VCAN: variants seen among roughly 807,000 people sequenced by gnomAD.
VCAN encodes the protein versican.
VCAN carries 44 observed loss-of-function variants against 245.5 expected under a neutral mutation model. That is an observed-to-expected ratio of 0.18 (90% CI 0.14 to 0.23). The LOEUF is 0.23. VCAN is among the 10% of genes least tolerant of loss of function. The pLI is 1.00. For synonymous variants in VCAN, 1,413 were observed against 1,437.0 expected (o/e 0.98, Z 0.38); for missense variants, 3,793 against 4,057.9 (o/e 0.93, Z 1.77).
chr5:83,495,238 A>G (rs1444727661), intron 5 of VCAN, among the ~76,000 whole-genome samples: 1 of 152,182 alleles, frequency 6.6e-6, no homozygotes, highest in Admixed American at 6.5e-5. Flanking sequence ...TGATTCCCTG[A>G]TTCTGTGAAT....
At chr5:83,504,827 G>T (rs1580613328) in intron 5 of VCAN, among the ~76,000 whole-genome samples, 1 of 152,210 alleles carries the variant, frequency 6.6e-6, no homozygotes, top group Admixed American at 6.5e-5. Context: ...ACCCAAGACT[G>T]GGAAGAAAAA....
rs78636207 is a variant in VCAN at position 83,533,607 on chromosome 5, G to A, written c.4004-3400G>A. ...TTGTGGTGGTAGTGAATTTAATTTT[G>A]TGTGCAAAAACCGATATGAAGCAAT... On this transcript the variant is annotated intron_variant, in intron 7 of 14. Transcript: ENST00000265077. 6.4e-3 allele frequency among the ~76,000 whole-genome samples: 971 copies of A among 152,172 alleles called. 14 individuals are homozygous for A. The highest frequency in any genetic ancestry group is 0.022 in the African/African-American group (912 of 41,518).
chr5:83,477,881 TA>T (rs1244730108), intron 1 of VCAN, among the ~76,000 whole-genome samples: 2 of 150,852 alleles, frequency 1.3e-5, no homozygotes, highest in Admixed American at 6.6e-5. Context: ...AAATAGTAAT[TA>T]AAACACCAAT....
chr5:83,549,441 T>G (rs1243157758), intron 10 of VCAN, among the ~76,000 whole-genome samples: 1 of 152,162 alleles, frequency 6.6e-6, no homozygotes, highest in Non-Finnish European at 1.5e-5. Context: ...AGAAAAAAAG[T>G]GATGTGTTTA....
intron 10 of VCAN, among the ~76,000 whole-genome samples, chr5:83,551,787 A>C (rs1747480034): frequency 6.6e-6 from 1 of 152,162 alleles, no homozygotes; most frequent in Non-Finnish European, 1.5e-5. Context: ...TCATATAGGA[A>C]GAGCTGTGTT....
chr5:83,558,734 C>T (rs1747761142), intron 12 of VCAN, among the ~76,000 whole-genome samples: 1 of 152,014 alleles, frequency 6.6e-6, no homozygotes, highest in African/African-American at 2.4e-5. Context: ...TCTAAATTGC[C>T]CTTATTCTTG....
At chr5:83,518,317 G>A (rs1259204324) in intron 6 of VCAN, among the ~76,000 whole-genome samples, 1 of 152,092 alleles carries the variant, frequency 6.6e-6, no homozygotes, top group Non-Finnish European at 1.5e-5. Context: ...TTTACAAACT[G>A]TTGCTTTTAT....
In VCAN at chr5:83,522,217, C is replaced by T. The variant is rs1359799756; in HGVS notation, c.3911C>T (p.Pro1304Leu). The T allele has an allele frequency of 3.7e-6, 6 of 1,603,368 alleles. No individual in the cohort carries two copies. Among genetic ancestry groups the T allele is most frequent in the Admixed American group, 1.7e-5 (1 of 59,928 alleles). ...PTVEDKEAFG[P>L]QALSTPQPPA... is the part of the protein sequence containing the mutation. ...GTGGAAGACAAAGAGGCCTTTGGAC[C>T]TCAGGCGCTTTCTACGCCACAGCCC... The change falls in exon 7 of 15, where the codon CCT (proline) becomes CTT (leucine). Residue 1304 changes from proline to leucine, a missense_variant. By Grantham distance (98) the Pro-to-Leu change is moderately conservative. Around this residue, in one of 5 missense-constraint regions of VCAN, gnomAD observed 3,182 missense variants for 3,250.3 expected, o/e 0.98. Transcript: ENST00000265077.
At chr5:83,576,893 GT>G (rs1429288688) in intron 13 of VCAN, among the ~76,000 whole-genome samples, 1 of 151,890 alleles carries the variant, frequency 6.6e-6, no homozygotes, top group East Asian at 1.9e-4. Flanking sequence ...ATATCTTTTG[GT>G]TATTTTTGAA....
At chr5:83,499,751 C>T (rs1289567738) in intron 5 of VCAN, among the ~76,000 whole-genome samples, 1 of 151,912 alleles carries the variant, frequency 6.6e-6, no homozygotes, top group Admixed American at 6.6e-5. Flanking sequence ...GTATTAATAC[C>T]TATTCATCAA....
intron 1 of VCAN, among the ~76,000 whole-genome samples, chr5:83,474,352 G>C (rs577758327): frequency 6.6e-6 from 1 of 152,178 alleles, no homozygotes; most frequent in Non-Finnish European, 1.5e-5. Flanking sequence ...GTTCGTTTCG[G>C]GGTTTGGGTC....
rs145773173 is a variant in VCAN, at chr5:83,518,200, G to A, written c.1043-1149G>A. Among the ~76,000 whole-genome samples the A allele has an allele frequency of 4.9e-3, 747 of 151,930 alleles. 11 individuals are homozygous for A. The highest frequency in any genetic ancestry group is 0.017 in the African/African-American group (707 of 41,422). On this transcript the variant is annotated intron_variant, in intron 6 of 14. Transcript: ENST00000265077. ...CAGGACAGTTCTTTTGAGTTCAGTG[G>A]CAACTATTAATAGGTTTTTATTTTT...
chr5:83,569,324 TA>T (rs1748196899), intron 12 of VCAN, among the ~76,000 whole-genome samples: 1 of 152,188 alleles, frequency 6.6e-6, no homozygotes, highest in South Asian at 2.1e-4. Flanking sequence ...ACCTATTTGC[TA>T]GCAGCAAGCA....
At chr5:83,567,378 G>T (rs1748122024) in intron 12 of VCAN, among the ~76,000 whole-genome samples, 1 of 152,092 alleles carries the variant, frequency 6.6e-6, no homozygotes, top group Admixed American at 6.6e-5. Flanking sequence ...TTGGCTCACT[G>T]CAACCTCCAC....
intron 8 of VCAN, chr5:83,545,132 T>G (rs1394097434): frequency 3.9e-6 from 1 of 255,506 alleles, no homozygotes; most frequent in Non-Finnish European, 7.7e-6. Flanking sequence ...GAATGCATGT[T>G]CTGTGTATCC....
chr5:83,539,089 C>T lies in VCAN; in HGVS notation c.6086C>T (p.Ala2029Val). 3 of 1,613,994 alleles carry T rather than the reference C, an allele frequency of 1.9e-6. No homozygotes were observed. Among genetic ancestry groups the T allele is most frequent in the Non-Finnish European group, 2.5e-6 (3 of 1,179,966 alleles). Reference sequence around the variant, plus strand: ...TCTGTTGTTCCAGTGCTTCCCAGTGCTGTGCAAAAGTTTTCTGGTACAGCT... The same window carrying T: ...TCTGTTGTTCCAGTGCTTCCCAGTGTTGTGCAAAAGTTTTCTGGTACAGCT... ...SSSVVPVLPS[A>V]VQKFSGTASS... Residue 2029 changes from alanine (A) to valine (V), a missense_variant, in exon 8 of 15, where the codon GCT becomes GTT. Ala to Val is a moderately conservative substitution (Grantham distance 64). This residue lies in a region of VCAN where 3,182 missense variants were observed against 3,250.3 expected (regional missense o/e 0.98). Coordinates refer to ENST00000265077, the MANE Select transcript of VCAN (RefSeq NM_004385.5).
intron 5 of VCAN, among the ~76,000 whole-genome samples, chr5:83,494,722 G>A (rs1051607478): frequency 6.6e-6 from 1 of 152,254 alleles, no homozygotes; most frequent in African/African-American, 2.4e-5. Flanking sequence ...GGAGAGCTAG[G>A]TGGGAAGATA....
intron 13 of VCAN, among the ~76,000 whole-genome samples, chr5:83,578,558 A>T (rs1748558867): frequency 1.3e-5 from 2 of 152,152 alleles, no homozygotes; most frequent in South Asian, 4.1e-4. Context: ...CATTTAAATT[A>T]AACCAAAATT....
intron 10 of VCAN, among the ~76,000 whole-genome samples, chr5:83,551,917 C>T (rs557797939): frequency 5.7e-4 from 87 of 152,304 alleles, no homozygotes; most frequent in African/African-American, 2.0e-3. Flanking sequence ...TACTTTTATA[C>T]CAAACCATCT....
Sources: gnomAD v4.1 joint callset for allele counts (sites outside exome capture counted in the v4.1 genomes callset) on GRCh38, gnomAD v4.1.1 for gene constraint, gnomAD v4.1.1 regional missense constraint, MANE v1.5 for transcripts, NCBI Gene and HGNC (gene_info 2026-07-23, HGNC 2026-07-21) for gene names.